ARID2: variants seen among roughly 807,000 people sequenced by gnomAD.
The protein encoded by ARID2 is AT-rich interaction domain 2, also known as AT-rich interactive domain-containing protein 2.
A neutral mutation model predicts 184.6 loss-of-function variants in ARID2; 32 were observed. The observed-to-expected ratio is 0.17, with a 90% CI of 0.13 to 0.23. The LOEUF (loss-of-function observed/expected upper bound fraction) is 0.23, where lower values mean the gene tolerates loss of function less well. ARID2 is among the 10% of genes least tolerant of loss of function. The pLI is 1.00. For missense variants in ARID2, 1,696 were observed against 2,197.6 expected, an observed-to-expected ratio of 0.77 and a Z score of 4.56; for synonymous variants, 836 against 772.6, an observed-to-expected ratio of 1.08 and a Z score of -1.36.
At chr12:45,878,340 T>C (rs930826517) in intron 16 of ARID2, among the ~76,000 whole-genome samples, 12 of 152,220 alleles carry the variant, frequency 7.9e-5, no homozygotes, top group Admixed American at 6.5e-5. Context: ...TTCTTCTCTT[T>C]ATGGTATTCC....
intron 20 of ARID2, among the ~76,000 whole-genome samples, chr12:45,901,509 C>T (rs1944458392): frequency 6.6e-6 from 1 of 151,786 alleles, no homozygotes; most frequent in Non-Finnish European, 1.5e-5. Context: ...TATTGGTTGC[C>T]AGTTGTTACT....
At position 45,846,947 on chromosome 12, in the gene ARID2, TTATTTC is replaced by T; in HGVS notation, c.1580+15_1580+20del. 6.2e-7 allele frequency: 1 copy of T among 1,610,978 alleles called. No homozygotes were observed. The highest frequency in any genetic ancestry group is 1.1e-5 in the South Asian group (1 of 90,892). ...AGTTTGCTTGTCAGTGGTAAGTGGT[TTATTTC>T]TATTAAGGATTTATCCTTGGGAGGA... On this transcript the variant is annotated intron_variant, in intron 12 of 20. Transcript: ENST00000334344.
intron 20 of ARID2, among the ~76,000 whole-genome samples, chr12:45,895,417 G>C (rs1053014033): frequency 2.1e-4 from 32 of 152,158 alleles, no homozygotes; most frequent in Non-Finnish European, 4.3e-4. Flanking sequence ...TGAAGGTAGG[G>C]ATTCAGTATT....
chr12:45,731,177 G>C (rs1206155586), intron 2 of ARID2, 40 bp from the exon 3 acceptor site: 9 of 1,420,226 alleles, frequency 6.3e-6, no homozygotes, highest in Admixed American at 1.7e-5. Flanking sequence ...GATTTTCTTA[G>C]ATTGTTCACG....
chr12:45,837,023 T>C lies in ARID2; in HGVS notation c.1023+32T>C, dbSNP rs745782210. On this transcript the variant is annotated intron_variant, in intron 8 of 20. Transcript: ENST00000334344. ...ATGTGACTGTACCTTAAACTAGTTT[T>C]TATAGTTAGCAACATTTATGTTACA... 2.5e-6 allele frequency: 4 copies of C among 1,590,772 alleles called. No individual in the cohort carries two copies. In the African/African-American group the frequency reaches 5.4e-5, roughly 22 times the overall value.
intron 20 of ARID2, among the ~76,000 whole-genome samples, chr12:45,902,655 C>A (rs1487565913): frequency 6.6e-6 from 1 of 151,916 alleles, no homozygotes; most frequent in Non-Finnish European, 1.5e-5. Context: ...CCTCAGCCTC[C>A]TGAGTAGCTG....
At chr12:45,805,392 C>T (rs1942581727) in intron 3 of ARID2, among the ~76,000 whole-genome samples, 3 of 151,996 alleles carry the variant, frequency 2.0e-5, no homozygotes, top group Admixed American at 2.0e-4. Context: ...TACTAGTTTT[C>T]TTCTCCCATT....
intron 16 of ARID2, among the ~76,000 whole-genome samples, chr12:45,883,132 TTAA>T (rs1424404434): frequency 6.6e-6 from 1 of 152,200 alleles, no homozygotes; most frequent in African/African-American, 2.4e-5. Context: ...TTAATTTCAT[TTAA>T]TAATTTATTT....
chr12:45,734,041 A>G (rs1941060649), intron 3 of ARID2, among the ~76,000 whole-genome samples: 1 of 152,242 alleles, frequency 6.6e-6, no homozygotes, highest in African/African-American at 2.4e-5. Context: ...AAAAAAAGTA[A>G]AGTGCTTACA....
chr12:45,765,302 G>C (rs549596945), intron 3 of ARID2, among the ~76,000 whole-genome samples: 2 of 152,112 alleles, frequency 1.3e-5, no homozygotes, highest in African/African-American at 4.8e-5. Context: ...CGACTCCTGT[G>C]CTCAAGTGAT....
chr12:45,808,413 A>G (rs7310939), intron 3 of ARID2, among the ~76,000 whole-genome samples: 21,944 of 152,180 alleles, frequency 0.14, 2,046 homozygotes, highest in Middle Eastern at 0.21. Flanking sequence ...AGGGAAATAA[A>G]AATTTCAAAA....
intron 3 of ARID2, among the ~76,000 whole-genome samples, chr12:45,767,477 TGTAA>T: frequency 6.6e-6 from 1 of 152,240 alleles, no homozygotes; most frequent in African/African-American, 2.4e-5. Flanking sequence ...TGAATAATCC[TGTAA>T]GTGAGGAAAT....
chr12:45,814,367 T>C (rs191285851), intron 4 of ARID2, among the ~76,000 whole-genome samples: 22 of 152,298 alleles, frequency 1.4e-4, no homozygotes, highest in Non-Finnish European at 2.6e-4. Flanking sequence ...GTTGAAAATA[T>C]GGACGGGCGC....
chr12:45,782,572 C>T (rs1167910514), intron 3 of ARID2, among the ~76,000 whole-genome samples: 1 of 152,120 alleles, frequency 6.6e-6, no homozygotes, highest in East Asian at 1.9e-4. Context: ...GTGGAGGTTG[C>T]AGTGAGCCGA....
chr12:45,889,902 C>T (rs1944266516), intron 16 of ARID2, among the ~76,000 whole-genome samples: 1 of 152,208 alleles, frequency 6.6e-6, no homozygotes, highest in Admixed American at 6.5e-5. Context: ...CGCACCATTG[C>T]TCTCCAGCCT....
chr12:45,895,104 T>G (rs969387204), intron 20 of ARID2, among the ~76,000 whole-genome samples: 1 of 152,246 alleles, frequency 6.6e-6, no homozygotes, highest in Non-Finnish European at 1.5e-5. Context: ...TCCTCTATTT[T>G]TATAACATGT....
intron 6 of ARID2, among the ~76,000 whole-genome samples, chr12:45,824,177 C>A (rs1436572351): frequency 6.6e-6 from 1 of 152,082 alleles, no homozygotes; most frequent in Non-Finnish European, 1.5e-5. Flanking sequence ...AAAATATGAT[C>A]ATCTCAGTTG....
At chr12:45,743,045 T>G (rs1941292134) in intron 3 of ARID2, among the ~76,000 whole-genome samples, 2 of 152,056 alleles carry the variant, frequency 1.3e-5, no homozygotes, top group South Asian at 4.2e-4. Context: ...ACAGCATGTT[T>G]GTTTGTTTTT....
At chr12:45,882,745 A>G (rs879247180) in intron 16 of ARID2, among the ~76,000 whole-genome samples, 11 of 152,228 alleles carry the variant, frequency 7.2e-5, no homozygotes, top group Admixed American at 6.5e-4. Flanking sequence ...GGAGAAACAA[A>G]TTGAAATTAG....
Sources: gnomAD v4.1 joint callset for allele counts (sites outside exome capture counted in the v4.1 genomes callset) on GRCh38, gnomAD v4.1.1 for gene constraint, MANE v1.5 for transcripts, NCBI Gene and HGNC (gene_info 2026-07-23, HGNC 2026-07-21) for gene names.